ABCA13: variants seen among roughly 807,000 people sequenced by gnomAD.
ABCA13 encodes ATP binding cassette subfamily A member 13.
Under a neutral mutation model 478.7 loss-of-function variants are expected in ABCA13, and 476 were observed. The ratio of observed to expected loss-of-function variants is 0.99; its 90% CI spans 0.92 to 1.07. The LOEUF is 1.07. Ranked by LOEUF, ABCA13 falls within the 50% of genes least tolerant of loss-of-function variation. ABCA13 has a pLI of 0.00. For synonymous variants in ABCA13, 2,252 were observed against 2,158.9 expected (o/e 1.04, Z -1.20); for missense variants, 6,060 against 5,910.6 (o/e 1.03, Z -0.83).
chr7:48,223,790 C>G (rs1236953078), intron 5 of ABCA13, among the ~76,000 whole-genome samples: 1 of 151,868 alleles, frequency 6.6e-6, no homozygotes, highest in African/African-American at 2.4e-5. Flanking sequence ...AACCACTTCT[C>G]TACTAAAAAT....
At chr7:48,206,376 G>T (rs969167937) in intron 3 of ABCA13, among the ~76,000 whole-genome samples, 1 of 152,170 alleles carries the variant, frequency 6.6e-6, no homozygotes, top group African/African-American at 2.4e-5. Context: ...CAGGTGTGTA[G>T]GCTAAGAGCA....
chr7:48,593,242 TTGTG>T (rs35781047), intron 57 of ABCA13, among the ~76,000 whole-genome samples: 3 of 147,800 alleles, frequency 2.0e-5, no homozygotes, highest in South Asian at 2.1e-4. Flanking sequence ...TTTTTTTCTT[TTGTG>T]TGTGTGTGTG....
intron 3 of ABCA13, among the ~76,000 whole-genome samples, chr7:48,204,449 G>A (rs1179786491): frequency 1.3e-5 from 2 of 152,116 alleles, no homozygotes; most frequent in African/African-American, 4.8e-5. Context: ...GACCTCAGGC[G>A]ATCTGCCCCC....
At chr7:48,187,508 G>A (rs758047627) in intron 1 of ABCA13, among the ~76,000 whole-genome samples, 2 of 151,696 alleles carry the variant, frequency 1.3e-5, no homozygotes, top group Non-Finnish European at 2.9e-5. Context: ...CTTTACTTTG[G>A]GGGTGCCAAT....
chr7:48,569,192 T>G (rs1043270915), intron 55 of ABCA13, among the ~76,000 whole-genome samples: 2 of 152,162 alleles, frequency 1.3e-5, no homozygotes, highest in African/African-American at 4.8e-5. Flanking sequence ...AATTTCTTAA[T>G]GTAAATGGCT....
chr7:48,541,270 C>T (rs543873307), intron 55 of ABCA13, among the ~76,000 whole-genome samples: 2 of 152,148 alleles, frequency 1.3e-5, no homozygotes, highest in African/African-American at 2.4e-5. Flanking sequence ...TTTGGATTGG[C>T]GTTGGTTCCA....
chr7:48,317,301 G>A lies in ABCA13; in HGVS notation c.9999+5G>A. ...ATTAACAAGGTCATTCAAAAGGTAA[G>A]TTAAAATAAATGAGAATCATATAGA... is the stretch of plus-strand genomic sequence containing the variant. On this transcript the variant is annotated splice_donor_5th_base_variant and intron_variant, in intron 27 of 61. Transcript: ENST00000435803. 6.2e-7 allele frequency: 1 copy of A among 1,611,294 alleles called. No homozygotes were observed. Among genetic ancestry groups the A allele is most frequent in the East Asian group, 2.2e-5 (1 of 44,836 alleles).
chr7:48,471,494 T>C, intron 44 of ABCA13, 36 bp from the exon 45 acceptor site: 1 of 1,524,010 alleles, frequency 6.6e-7, no homozygotes, highest in Non-Finnish European at 8.9e-7. Context: ...TTTGTAAATC[T>C]AAAAGATCAT....
intron 47 of ABCA13, among the ~76,000 whole-genome samples, chr7:48,486,287 C>T (rs898776107): frequency 3.3e-5 from 5 of 152,156 alleles, no homozygotes; most frequent in African/African-American, 9.7e-5. Context: ...TACAATTGCA[C>T]CCTTGACTTG....
chr7:48,213,282 A>G (rs754996774), intron 3 of ABCA13, among the ~76,000 whole-genome samples: 2 of 152,218 alleles, frequency 1.3e-5, no homozygotes, highest in African/African-American at 2.4e-5. Context: ...TCATTTCACA[A>G]CATCAGAATA....
chr7:48,171,496 G>T lies in ABCA13; in HGVS notation c.13G>T (p.Gly5Trp), dbSNP rs762365862. The T allele has an allele frequency of 6.5e-7, 1 of 1,536,152 alleles. No homozygotes were observed. Among genetic ancestry groups the T allele is most frequent in the Non-Finnish European group, 8.7e-7 (1 of 1,146,902 alleles). MGHA[G>W]CQFKALLWKN... ...GGGAGCAGCAGGCATGGGGCATGCC[G>T]GGTGCCAGTTCAAAGCCCTGCTGTG... Residue 5 changes from glycine (G) to tryptophan (W), a missense_variant, in exon 1 of 62, where the codon GGG becomes TGG. By Grantham distance (184) the Gly-to-Trp change is radical (BLOSUM62 -2). Transcript: ENST00000435803.
chr7:48,597,905 C>T (rs1316645508), intron 58 of ABCA13, among the ~76,000 whole-genome samples: 1 of 152,132 alleles, frequency 6.6e-6, no homozygotes, highest in Non-Finnish European at 1.5e-5. Context: ...GCATACATTA[C>T]CAGAGTGATA....
chr7:48,488,020 T>C (rs1829500465), intron 47 of ABCA13, among the ~76,000 whole-genome samples: 2 of 152,152 alleles, frequency 1.3e-5, no homozygotes, highest in South Asian at 4.1e-4. Context: ...TGTTTAGACA[T>C]AGCTTTGAAC....
chr7:48,204,316 T>G (rs1784636334), intron 3 of ABCA13, among the ~76,000 whole-genome samples: 1 of 152,014 alleles, frequency 6.6e-6, no homozygotes. Flanking sequence ...TTCAAGCGAT[T>G]CTCCTGCCTC....
intron 41 of ABCA13, among the ~76,000 whole-genome samples, chr7:48,422,055 C>CAAAAAAAAAAAAAAAAAAAAAA (rs4022355): frequency 2.5e-5 from 2 of 80,576 alleles, no homozygotes; most frequent in Non-Finnish European, 4.8e-5. Flanking sequence ...GTCTTTCTTA[C>CAAAAAAAAAAAAAAAAAAAAAA]AAAAAAAAAA....
chr7:48,349,410 A>C (rs1353205527), intron 29 of ABCA13, among the ~76,000 whole-genome samples: 1 of 152,350 alleles, frequency 6.6e-6, no homozygotes, highest in Non-Finnish European at 1.5e-5. Flanking sequence ...ATCCATCTGA[A>C]GTTGGCAGAT....
Position 48,272,727 on chromosome 7 carries a change from C to T in ABCA13, c.3061C>T (p.Leu1021Phe), listed in dbSNP as rs1795785475. The T allele has an allele frequency of 1.2e-6, 2 of 1,610,462 alleles. No individual in the cohort carries two copies. The highest frequency in any genetic ancestry group is 1.7e-6 in the Non-Finnish European group (2 of 1,177,974). ...ATTTTTATTTAAGACAGCAGAGGTT[C>T]TTGGGGGAATTTCTAATGTATCTTA... ...FAFLFKTAEV[L>F]GGISNVSYCQ... Residue 1021 changes from leucine to phenylalanine, a missense_variant, in exon 17 of 62, where the codon CTT becomes TTT. Physicochemically the swap from Leu to Phe is conservative, Grantham distance 22. Around this residue, in one of 3 missense-constraint regions of ABCA13, gnomAD observed 4,423 missense variants for 4,309.1 expected, o/e 1.03. Transcript: ENST00000435803.
intron 2 of ABCA13, among the ~76,000 whole-genome samples, chr7:48,194,145 A>G (rs372204641): frequency 0.016 from 2 of 122 alleles, 1 homozygote; most frequent in African/African-American, 0.056. Flanking sequence ...AATGTTGATG[A>G]TGATGATAAT....
intron 23 of ABCA13, among the ~76,000 whole-genome samples, chr7:48,300,327 T>G (rs952934789): frequency 5.3e-5 from 8 of 152,234 alleles, no homozygotes; most frequent in African/African-American, 1.9e-4. Flanking sequence ...CTTTATTCAC[T>G]TAGGAGGTTT....
Sources: gnomAD v4.1 joint callset for allele counts (sites outside exome capture counted in the v4.1 genomes callset) on GRCh38, gnomAD v4.1.1 for gene constraint, gnomAD v4.1.1 regional missense constraint, MANE v1.5 for transcripts, NCBI Gene and HGNC (gene_info 2026-07-23, HGNC 2026-07-21) for gene names.